The following PCDHGA2 variants were observed in gnomAD, a reference collection of about 807,000 sequenced individuals.
PCDHGA2 encodes protocadherin gamma subfamily A, 2, also known as protocadherin gamma-A2.
PCDHGA2 carries 40 observed loss-of-function variants against 59.2 expected under a neutral mutation model. The observed-to-expected ratio is 0.68, with a 90% CI of 0.52 to 0.88. The LOEUF (loss-of-function observed/expected upper bound fraction) is 0.88, where lower values mean the gene tolerates loss of function less well. Among genes scored for constraint, PCDHGA2 ranks in the 40% least tolerant of loss-of-function variants. PCDHGA2 has a pLI of 0.00. For missense variants in PCDHGA2, 1,226 were observed against 1,204.0 expected (o/e 1.02, Z -0.27); for synonymous variants, 560 against 526.0 (o/e 1.06, Z -0.89).
At chr5:141,375,047 C>T (rs201669950) in intron 1 of PCDHGA2, 1 of 1,613,958 alleles carries the variant, frequency 6.2e-7, no homozygotes, top group Non-Finnish European at 8.5e-7. Context: ...TGTTGAAGCC[C>T]GGGATGGGCC....
intron 1 of PCDHGA2, chr5:141,395,325 G>T (rs1261775810): frequency 6.8e-7 from 1 of 1,473,892 alleles, no homozygotes; most frequent in Admixed American, 2.5e-5. Context: ...GAAGATAGTT[G>T]AAAATAATTT....
intron 1 of PCDHGA2, chr5:141,382,950 C>T: frequency 6.2e-7 from 1 of 1,600,458 alleles, no homozygotes; most frequent in African/African-American, 1.3e-5. Context: ...TCCTGCTCTC[C>T]ATCCTCCTGG....
Position 141,388,463 on chromosome 5 carries a change from G to A in PCDHGA2, c.2424+47068G>A, listed in dbSNP as rs367941349. Reference sequence around the variant, plus strand: ...AATCAGATGGCAGTAAATACCCTGAGATGGTATTGAAGACACCTTTGGACA... The same window carrying A: ...AATCAGATGGCAGTAAATACCCTGAAATGGTATTGAAGACACCTTTGGACA... On this transcript the variant is annotated intron_variant, in intron 1 of 3. Coordinates refer to ENST00000394576, the MANE Select transcript of PCDHGA2 (RefSeq NM_018915.4). 143 of 1,613,666 alleles carry A rather than the reference G, an allele frequency of 8.9e-5. 2 individuals are homozygous for A. The highest frequency in any genetic ancestry group is 1.3e-5 in the Non-Finnish European group (15 of 1,179,854).
Position 141,489,242 on chromosome 5 carries a change from T to C in PCDHGA2, c.2425-5565T>C. ...TCTCCACAAAGGGACTTCTGGGTCA[T>C]GGGGCCCAAGACACTCCCACAGCTC... On this transcript the variant is annotated intron_variant, in intron 1 of 3. Transcript: ENST00000394576. This position sits in a 1 kb window ranked among gnomAD's most constrained non-coding sequence, Gnocchi z 4.5. 6.5e-7 allele frequency: 1 copy of C among 1,534,502 alleles called. No individual in the cohort carries two copies. The highest frequency in any genetic ancestry group is 8.8e-7 in the Non-Finnish European group (1 of 1,141,994).
intron 1 of PCDHGA2, among the ~76,000 whole-genome samples, chr5:141,346,896 A>ATTT (rs1757825079): frequency 6.6e-6 from 1 of 152,226 alleles, no homozygotes; most frequent in Non-Finnish European, 1.5e-5. Flanking sequence ...GCTTATCCTG[A>ATTT]TACATACAAG....
chr5:141,353,491 T>A (rs2149775371), intron 1 of PCDHGA2, among the ~76,000 whole-genome samples: 1 of 152,328 alleles, frequency 6.6e-6, no homozygotes, highest in Non-Finnish European at 1.5e-5. Flanking sequence ...TAACACTTTG[T>A]CTCATCACAA....
intron 1 of PCDHGA2, chr5:141,366,537 C>A (rs1163032115): frequency 6.2e-7 from 1 of 1,614,132 alleles, no homozygotes; most frequent in African/African-American, 1.3e-5. Context: ...GCGGGTGTGC[C>A]CGCCTCGCAC....
At chr5:141,389,432 C>G in intron 1 of PCDHGA2, 1 of 1,610,650 alleles carries the variant, frequency 6.2e-7, no homozygotes, top group Non-Finnish European at 8.5e-7. Context: ...TCGCGCAGCG[C>G]GCCTTCGACC....
chr5:141,428,081 C>T (rs768842388), intron 1 of PCDHGA2: 2 of 1,609,218 alleles, frequency 1.2e-6, no homozygotes, highest in Non-Finnish European at 1.7e-6. Context: ...CGGGACACAA[C>T]GCTTGGCTGT....
At chr5:141,370,922 G>A (rs563952977) in intron 1 of PCDHGA2, 14 of 1,613,978 alleles carry the variant, frequency 8.7e-6, no homozygotes, top group South Asian at 5.5e-5. Flanking sequence ...GCCCTGATCC[G>A]CACTTCTCTT....
intron 1 of PCDHGA2, chr5:141,416,001 G>C (rs2095980823): frequency 4.0e-6 from 1 of 253,062 alleles, no homozygotes; most frequent in Non-Finnish European, 7.3e-6. Flanking sequence ...AGGCAGGTCT[G>C]GTAAGAATAG....
chr5:141,371,752 AC>A (rs1278414887), intron 1 of PCDHGA2: 1 of 1,613,888 alleles, frequency 6.2e-7, no homozygotes, highest in Non-Finnish European at 8.5e-7. Flanking sequence ...CCCGTTTTCC[AC>A]CAGGCCTCCT....
chr5:141,383,876 G>T (rs747987128), intron 1 of PCDHGA2: 1 of 1,613,978 alleles, frequency 6.2e-7, no homozygotes, highest in South Asian at 1.1e-5. Flanking sequence ...GATGGTCCTG[G>T]TAGTCTGACA....
rs1054012796 is a variant in PCDHGA2 at position 141,420,071 on chromosome 5, G to C, written c.2425-74736G>C. The C allele has an allele frequency of 6.2e-7, 1 of 1,614,050 alleles. No individual in the cohort carries two copies. On this transcript the variant is annotated intron_variant, in intron 1 of 3. Coordinates refer to ENST00000394576, the MANE Select transcript of PCDHGA2 (RefSeq NM_018915.4). ...AGTTCTCTGCTCCAAGTCCGGACCT[G>C]TGGGTCCCCCCAACTACAGTGAGGG...
In PCDHGA2 at chr5:141,491,049, G is replaced by A. The variant is rs369146505; in HGVS notation, c.2425-3758G>A. Reference sequence around the variant, plus strand: ...TGGATGCTGATGCAGGCCACAATGCGTGGCTCTCCTACTCACTGTTGCCAC... The same window carrying A: ...TGGATGCTGATGCAGGCCACAATGCATGGCTCTCCTACTCACTGTTGCCAC... On this transcript the variant is annotated intron_variant, in intron 1 of 3. Coordinates refer to ENST00000394576, the MANE Select transcript of PCDHGA2 (RefSeq NM_018915.4). This position sits in a 1 kb window ranked among gnomAD's most constrained non-coding sequence, Gnocchi z 6.9. The A allele has an allele frequency of 3.3e-5, 53 of 1,614,116 alleles. No individual in the cohort carries two copies. The African/African-American group carries it at 5.5e-4, about 17-fold the overall frequency.
intron 1 of PCDHGA2, chr5:141,419,629 G>T: frequency 6.2e-7 from 1 of 1,612,444 alleles, no homozygotes; most frequent in Non-Finnish European, 8.5e-7. Context: ...TGGTGACCAA[G>T]GTGGTGGCCG....
intron 1 of PCDHGA2, chr5:141,423,735 G>A (rs2096770441): frequency 1.3e-6 from 1 of 777,372 alleles, no homozygotes; most frequent in African/African-American, 2.5e-5. Context: ...TTTTGAGCCT[G>A]TTATGAAAAC....
intron 1 of PCDHGA2, chr5:141,370,604 A>G (rs1263925299): frequency 6.2e-7 from 1 of 1,613,888 alleles, no homozygotes; most frequent in Non-Finnish European, 8.5e-7. Flanking sequence ...GGGTTATTGC[A>G]GAGAAGAAAT....
At chr5:141,376,348 C>G in intron 1 of PCDHGA2, 6 of 1,614,184 alleles carry the variant, frequency 3.7e-6, no homozygotes, top group Non-Finnish European at 5.1e-6. Context: ...CCTATTCCCA[C>G]GAGGTCTCAC....
Sources: gnomAD v4.1 joint callset for allele counts (sites outside exome capture counted in the v4.1 genomes callset) on GRCh38, gnomAD v4.1.1 for gene constraint, Gnocchi (gnomAD v3.1) non-coding constraint, MANE v1.5 for transcripts, NCBI Gene and HGNC (gene_info 2026-07-23, HGNC 2026-07-21) for gene names.